RGS6: variants seen among roughly 807,000 people sequenced by gnomAD.
RGS6 encodes the protein regulator of G protein signaling 6.
Under a neutral mutation model 78.5 loss-of-function variants are expected in RGS6, and 30 were observed. That is an observed-to-expected ratio of 0.38 (90% CI 0.29 to 0.52). RGS6 has a LOEUF of 0.52. Ranked by LOEUF, RGS6 falls within the 20% of genes least tolerant of loss-of-function variation. RGS6 has a pLI of 0.85. For synonymous variants in RGS6, 206 were observed against 206.0 expected, an observed-to-expected ratio of 1.00 and a Z score of 0.00; for missense variants, 495 against 609.7, an observed-to-expected ratio of 0.81 and a Z score of 1.98.
intron 2 of RGS6, among the ~76,000 whole-genome samples, chr14:72,073,082 CCTT>C (rs1324211315): frequency 2.0e-5 from 3 of 152,200 alleles, no homozygotes; most frequent in Non-Finnish European, 2.9e-5. Flanking sequence ...TTCAAATCCT[CCTT>C]CTGCCACTCA....
chr14:72,423,346 C>G (rs1039844283), intron 3 of RGS6, among the ~76,000 whole-genome samples: 1 of 152,104 alleles, frequency 6.6e-6, no homozygotes, highest in Non-Finnish European at 1.5e-5. Context: ...CCCTGGGCTG[C>G]TTTTTTCCCC....
intron 2 of RGS6, among the ~76,000 whole-genome samples, chr14:72,012,072 A>G (rs8017221): frequency 0.75 from 114,679 of 152,110 alleles, 44,256 homozygotes; most frequent in South Asian, 0.88. Flanking sequence ...AAAAGATATG[A>G]AAACCAATAA....
intron 2 of RGS6, among the ~76,000 whole-genome samples, chr14:72,191,627 C>G (rs2097327234): frequency 6.6e-6 from 1 of 152,202 alleles, no homozygotes; most frequent in South Asian, 2.1e-4. Context: ...TAGTCACTAT[C>G]ACGAGAACAG....
chr14:71,871,629 A>G, the RGS6 span, among the ~76,000 whole-genome samples: 16 of 152,194 alleles, frequency 1.1e-4, no homozygotes, highest in Admixed American at 9.2e-4. Flanking sequence ...CATGTTACCT[A>G]GGTGTCACCT....
intron 17 of RGS6, chr14:72,540,830 A>G (rs2097315544): frequency 3.0e-6 from 3 of 985,412 alleles, no homozygotes; most frequent in Non-Finnish European, 2.4e-6. Context: ...AGATTCCTAC[A>G]GGTTCATGGT....
At chr14:72,128,632 G>A (rs916349452) in intron 2 of RGS6, among the ~76,000 whole-genome samples, 2 of 152,036 alleles carry the variant, frequency 1.3e-5, no homozygotes, top group Non-Finnish European at 2.9e-5. Context: ...TGATGAAGCA[G>A]ATTCATTAAA....
intron 2 of RGS6, among the ~76,000 whole-genome samples, chr14:72,305,168 T>C (rs1050324793): frequency 6.6e-6 from 1 of 152,258 alleles, no homozygotes; most frequent in Admixed American, 6.5e-5. Flanking sequence ...TTTTCCTTTA[T>C]TGAATAAATT....
At chr14:72,536,099 C>T in intron 15 of RGS6, 87 bp from the exon 16 acceptor site, 1 of 1,067,820 alleles carries the variant, frequency 9.4e-7, no homozygotes, top group Non-Finnish European at 1.4e-6. Context: ...CATCTCCTTC[C>T]CCAAAACAGT....
At chr14:72,088,978 C>A (rs1398289228) in intron 2 of RGS6, among the ~76,000 whole-genome samples, 2 of 152,232 alleles carry the variant, frequency 1.3e-5, no homozygotes, top group African/African-American at 4.8e-5. Flanking sequence ...TCCCTGGCCA[C>A]CCAATCTAAA....
At chr14:71,945,606 T>C (rs1222024940) in intron 1 of RGS6, among the ~76,000 whole-genome samples, 1 of 152,220 alleles carries the variant, frequency 6.6e-6, no homozygotes, top group East Asian at 1.9e-4. Flanking sequence ...TATGGGGTCA[T>C]CTGACTCATT....
At chr14:72,505,190 G>A (rs77759819) in intron 13 of RGS6, among the ~76,000 whole-genome samples, 4,130 of 152,142 alleles carry the variant, frequency 0.027, 104 homozygotes, top group East Asian at 0.076. Flanking sequence ...CTCACAGTAC[G>A]AACTTCTGTC....
At chr14:72,152,341 C>T (rs549515067) in intron 2 of RGS6, among the ~76,000 whole-genome samples, 54 of 151,870 alleles carry the variant, frequency 3.6e-4, no homozygotes, top group East Asian at 5.8e-4. Context: ...TAAATTTCAA[C>T]GCAACAGAAA....
chr14:72,102,995 A>T (rs1330522239), intron 2 of RGS6, among the ~76,000 whole-genome samples: 1 of 152,238 alleles, frequency 6.6e-6, no homozygotes, highest in African/African-American at 2.4e-5. Flanking sequence ...CAAAGAGGAA[A>T]CAAAGATTTG....
Position 72,324,403 on chromosome 14 carries a change from A to G in RGS6, c.85-27692A>G, listed in dbSNP as rs147526672. Among the ~76,000 whole-genome samples, 862 of 152,254 alleles carry G rather than the reference A, an allele frequency of 5.7e-3. 5 individuals are homozygous for G. Among genetic ancestry groups the G allele is most frequent in the Non-Finnish European group, 8.6e-3 (586 of 68,002 alleles). On this transcript the variant is annotated intron_variant, in intron 2 of 17. Coordinates refer to ENST00000553525, the MANE Select transcript of RGS6 (RefSeq NM_001204424.2). ...TTAAGTTCTAGGGTACATGTGCACA[A>G]CGTGCATGTTTGTTACATATGTATA...
chr14:72,600,942 G>A, the RGS6 span, among the ~76,000 whole-genome samples: 4 of 151,930 alleles, frequency 2.6e-5, no homozygotes, highest in African/African-American at 4.8e-5. Flanking sequence ...AAGAGGCAAA[G>A]ATGAAGTGGG....
intron 2 of RGS6, among the ~76,000 whole-genome samples, chr14:72,327,306 G>A (rs1346256072): frequency 1.3e-5 from 2 of 152,108 alleles, no homozygotes; most frequent in East Asian, 3.8e-4. Flanking sequence ...GGGACTGTCA[G>A]AACTCCCCCA....
chr14:72,082,301 G>A (rs1011683353), intron 2 of RGS6, among the ~76,000 whole-genome samples: 1 of 151,904 alleles, frequency 6.6e-6, no homozygotes, highest in Non-Finnish European at 1.5e-5. Context: ...TTCATTTCTT[G>A]TATCTTCAAT....
At chr14:72,108,349 A>G (rs1361109871) in intron 2 of RGS6, among the ~76,000 whole-genome samples, 2 of 151,938 alleles carry the variant, frequency 1.3e-5, no homozygotes, top group Non-Finnish European at 2.9e-5. Context: ...AGAAGCCCAT[A>G]GAGATTTTTT....
chr14:72,330,177 C>T (rs774413349), intron 2 of RGS6, among the ~76,000 whole-genome samples: 3 of 152,206 alleles, frequency 2.0e-5, no homozygotes, highest in Non-Finnish European at 2.9e-5. Context: ...TGAAACCTTC[C>T]GGTCCAGTTC....
Sources: gnomAD v4.1 joint callset for allele counts (sites outside exome capture counted in the v4.1 genomes callset) on GRCh38, gnomAD v4.1.1 for gene constraint, MANE v1.5 for transcripts, NCBI Gene and HGNC (gene_info 2026-07-23, HGNC 2026-07-21) for gene names.